MYT1L: variants seen among roughly 807,000 people sequenced by gnomAD.
MYT1L encodes the protein myelin transcription factor 1 like, also known as myelin transcription factor 1-like protein.
MYT1L carries 12 observed loss-of-function variants against 126.7 expected under a neutral mutation model. The ratio of observed to expected loss-of-function variants is 0.09; its 90% CI spans 0.06 to 0.15. The LOEUF is 0.15. Among genes scored for constraint, MYT1L ranks in the 10% least tolerant of loss-of-function variants. The pLI, the probability that MYT1L is intolerant of heterozygous loss-of-function variation, is 1.00. For missense variants in MYT1L, 979 were observed against 1,585.2 expected (o/e 0.62, Z 6.49); for synonymous variants, 541 against 604.2 (o/e 0.90, Z 1.53).
At chr2:2,312,895 G>A (rs2095998781) in intron 1 of MYT1L, among the ~76,000 whole-genome samples, 1 of 152,104 alleles carries the variant, frequency 6.6e-6, no homozygotes, top group African/African-American at 2.4e-5. Context: ...AGGAAGAACA[G>A]CAGGCTGTCA....
intron 18 of MYT1L, among the ~76,000 whole-genome samples, chr2:1,870,865 G>A (rs957386780): frequency 4.6e-5 from 7 of 152,228 alleles, no homozygotes; most frequent in African/African-American, 1.4e-4. Context: ...AGTGTCCTAC[G>A]TGTGGAAGCA....
intron 8 of MYT1L, among the ~76,000 whole-genome samples, chr2:1,955,340 C>T (rs1364094266): frequency 2.0e-5 from 3 of 151,922 alleles, no homozygotes; most frequent in African/African-American, 7.3e-5. Context: ...GATTAGATAT[C>T]TCTATTTTTA....
intron 13 of MYT1L, among the ~76,000 whole-genome samples, chr2:1,906,398 C>A (rs2051062238): frequency 6.6e-6 from 1 of 152,018 alleles, no homozygotes; most frequent in Non-Finnish European, 1.5e-5. Flanking sequence ...GTTATAAATT[C>A]TGACTTAATA....
chr2:2,031,881 TAGA>T (rs1558797031), intron 4 of MYT1L, among the ~76,000 whole-genome samples: 1 of 127,210 alleles, frequency 7.9e-6, no homozygotes, highest in African/African-American at 3.3e-5. Context: ...GAGCAGATTC[TAGA>T]AGGAGGGCCT....
At chr2:2,068,769 GTTTTTTTTTTTTTTTTT>G (rs55838351) in intron 3 of MYT1L, among the ~76,000 whole-genome samples, 2 of 26,182 alleles carry the variant, frequency 7.6e-5, no homozygotes, top group South Asian at 5.7e-3. Context: ...TGTTCTTCTT[GTTTTTTTTTTTTTTTTT>G]TTTTTTTTTT....
chr2:1,840,896 C>CTTTTTTTTTTTTTTTTTT (rs1316416056), intron 19 of MYT1L, 53 bp from the exon 20 acceptor site: 2 of 962,158 alleles, frequency 2.1e-6, no homozygotes, highest in African/African-American at 4.1e-5. Context: ...TTTCAGTGAG[C>CTTTTTTTTTTTTTTTTTT]TTTCTTTCTT....
At chr2:2,022,578 A>C (rs757118207) in intron 4 of MYT1L, among the ~76,000 whole-genome samples, 3 of 151,786 alleles carry the variant, frequency 2.0e-5, no homozygotes, top group Non-Finnish European at 4.4e-5. Context: ...AACAGATAAC[A>C]CCCTAAGTCA....
At chr2:1,883,052 A>C (rs751973471) in intron 18 of MYT1L, among the ~76,000 whole-genome samples, 1 of 152,222 alleles carries the variant, frequency 6.6e-6, no homozygotes, top group Non-Finnish European at 1.5e-5. Context: ...CCAAAAGTAC[A>C]ATCTGCTCAC....
chr2:1,992,480 G>A (rs771950240), intron 5 of MYT1L, among the ~76,000 whole-genome samples: 5 of 152,060 alleles, frequency 3.3e-5, no homozygotes, highest in South Asian at 2.1e-4. Flanking sequence ...CCCATGCCCC[G>A]CTGTGATGCC....
chr2:2,314,075 A>G (rs1443184779), intron 1 of MYT1L, among the ~76,000 whole-genome samples: 2 of 152,212 alleles, frequency 1.3e-5, no homozygotes, highest in Non-Finnish European at 1.5e-5. Flanking sequence ...TTTGCGTACC[A>G]TGAGATCAAG....
chr2:1,846,788 T>C (rs1215872237), intron 19 of MYT1L, among the ~76,000 whole-genome samples: 1 of 152,128 alleles, frequency 6.6e-6, no homozygotes, highest in Non-Finnish European at 1.5e-5. Flanking sequence ...CTAAACAGCT[T>C]TGCACCCTGT....
intron 19 of MYT1L, among the ~76,000 whole-genome samples, chr2:1,843,518 G>T (rs2042105469): frequency 6.6e-6 from 1 of 151,510 alleles, no homozygotes; most frequent in Non-Finnish European, 1.5e-5. Context: ...TACCCAGGGA[G>T]AATTAAAGTG....
chr2:2,292,525 T>G (rs1156987702), intron 1 of MYT1L, among the ~76,000 whole-genome samples: 1 of 152,120 alleles, frequency 6.6e-6, no homozygotes, highest in Non-Finnish European at 1.5e-5. Flanking sequence ...GACAGGACAC[T>G]GCAAACCCAG....
intron 4 of MYT1L, among the ~76,000 whole-genome samples, chr2:2,012,967 A>G (rs1361466695): frequency 6.6e-6 from 1 of 152,130 alleles, no homozygotes; most frequent in East Asian, 1.9e-4. Context: ...ATTAAACTTT[A>G]CCGCAAATAT....
chr2:1,875,250 G>C (rs1413771651), intron 18 of MYT1L, among the ~76,000 whole-genome samples: 1 of 152,106 alleles, frequency 6.6e-6, no homozygotes. Context: ...CCTGAGGCGG[G>C]AAACTGGACC....
chr2:1,846,102 C>T (rs115452996), intron 19 of MYT1L, among the ~76,000 whole-genome samples: 2,319 of 152,322 alleles, frequency 0.015, 36 homozygotes, highest in Non-Finnish European at 0.02. Context: ...AGTGCCATCC[C>T]GACCTGGAGG....
At chr2:1,871,573 A>T (rs1350730391) in intron 18 of MYT1L, among the ~76,000 whole-genome samples, 1 of 152,212 alleles carries the variant, frequency 6.6e-6, no homozygotes, top group African/African-American at 2.4e-5. Context: ...ATTGACTTGC[A>T]GAAGCCCAGG....
At chr2:2,114,532 CCA>C (rs1446981716) in intron 3 of MYT1L, among the ~76,000 whole-genome samples, 1 of 152,188 alleles carries the variant, frequency 6.6e-6, no homozygotes, top group Non-Finnish European at 1.5e-5. Context: ...ATGATATTTG[CCA>C]CACTTTGTAA....
intron 8 of MYT1L, among the ~76,000 whole-genome samples, chr2:1,954,969 GAAAGA>G (rs1163852921): frequency 6.6e-6 from 1 of 151,266 alleles, no homozygotes; most frequent in African/African-American, 2.4e-5. Flanking sequence ...GAGAGAGAAA[GAAAGA>G]AAAGAAAGAA....
Sources: allele counts gnomAD v4.1 joint callset (sites outside exome capture counted in the v4.1 genomes callset), GRCh38; gene constraint gnomAD v4.1.1; transcripts MANE v1.5; gene names NCBI Gene and HGNC (gene_info 2026-07-23, HGNC 2026-07-21).